The following C4orf50 variants were observed in gnomAD, a reference collection of about 807,000 sequenced individuals.
C4orf50 encodes chromosome 4 open reading frame 50, also known as uncharacterized protein C4orf50.
C4orf50 carries 80 observed loss-of-function variants against 77.2 expected under a neutral mutation model. The observed-to-expected ratio is 1.04, with a 90% CI of 0.87 to 1.25. The LOEUF (loss-of-function observed/expected upper bound fraction) is 1.25, where lower values mean the gene tolerates loss of function less well. C4orf50 is among the 50% of genes most tolerant of loss of function. The pLI is 0.00. For missense variants in C4orf50, 1,257 were observed against 1,152.9 expected, an observed-to-expected ratio of 1.09 and a Z score of -1.31; for synonymous variants, 532 against 465.3, an observed-to-expected ratio of 1.14 and a Z score of -1.84.
exon 28 of C4orf50, chr4:5,988,504 G>A (rs1267512017): frequency 1.3e-6 from 2 of 1,541,362 alleles, no homozygotes; most frequent in Non-Finnish European, 1.7e-6. Context: ...GACCAGCGAT[G>A]GAGGGGGAGA....
chr4:5,973,826 G>C (rs1377280675), exon 31 of C4orf50: 21 of 1,611,926 alleles, frequency 1.3e-5, no homozygotes, highest in Non-Finnish European at 1.8e-5. Context: ...TTCCGGACGA[G>C]GGAAGCTATC....
At chr4:5,936,135 A>G (rs993464857) in intron 7 of C4orf50, among the ~76,000 whole-genome samples, 1 of 152,090 alleles carries the variant, frequency 6.6e-6, no homozygotes, top group Non-Finnish European at 1.5e-5. Flanking sequence ...AGATGATGAA[A>G]CTAAAGTACA....
intron 7 of C4orf50, among the ~76,000 whole-genome samples, chr4:5,943,840 T>C (rs114660158): frequency 6.6e-6 from 1 of 152,206 alleles, no homozygotes; most frequent in Non-Finnish European, 1.5e-5. Flanking sequence ...TCGGACTTCA[T>C]CTTATTTCCT....
intron 25 of C4orf50, among the ~76,000 whole-genome samples, chr4:5,995,433 G>A (rs1485162375): frequency 4.6e-5 from 7 of 150,722 alleles, no homozygotes. Context: ...TTCAGAGGCA[G>A]CTCCTTCCTC....
chr4:6,003,884 ATTATGGTGATGATG>A (rs1577990995), intron 25 of C4orf50, among the ~76,000 whole-genome samples: 1 of 22,686 alleles, frequency 4.4e-5, no homozygotes, highest in East Asian at 2.4e-3. Context: ...GGTGATGGTG[ATTATGGTGATGATG>A]TGATGGTGAT....
intron 7 of C4orf50, among the ~76,000 whole-genome samples, chr4:5,920,669 C>T (rs1717225955): frequency 7.8e-6 from 1 of 128,332 alleles, no homozygotes; most frequent in Admixed American, 7.9e-5. Flanking sequence ...TAGAGATGGG[C>T]TTTCACCATT....
intron 7 of C4orf50, among the ~76,000 whole-genome samples, chr4:5,931,276 C>T (rs796494685): frequency 1.3e-5 from 2 of 152,290 alleles, no homozygotes; most frequent in African/African-American, 4.8e-5. Context: ...AACCAAGAGG[C>T]GGCCCCCAAA....
chr4:5,973,684 G>A (rs2108774989), exon 31 of C4orf50: 1 of 1,613,396 alleles, frequency 6.2e-7, no homozygotes, highest in Non-Finnish European at 8.5e-7. Flanking sequence ...AGCCAGGAAG[G>A]TGGCCGTGTA....
chr4:5,930,140 G>T (rs895016086), intron 7 of C4orf50, among the ~76,000 whole-genome samples: 2 of 152,212 alleles, frequency 1.3e-5, no homozygotes, highest in Admixed American at 6.5e-5. Flanking sequence ...GCAGCACTGA[G>T]AATCGGGGAG....
exon 28 of C4orf50, chr4:5,988,924 T>C (rs1362748667): frequency 9.1e-6 from 14 of 1,535,968 alleles, no homozygotes; most frequent in Non-Finnish European, 1.2e-5. Flanking sequence ...GTCTTTGGAT[T>C]TCCTGACACT....
chr4:6,005,116 T>G (rs143909227), intron 25 of C4orf50, among the ~76,000 whole-genome samples: 1 of 152,170 alleles, frequency 6.6e-6, no homozygotes, highest in African/African-American at 2.4e-5. Context: ...TCCACTTGCA[T>G]TCCTGCCTGC....
chr4:5,989,635 T>C, exon 28 of C4orf50: 5 of 1,536,104 alleles, frequency 3.3e-6, no homozygotes, highest in Non-Finnish European at 4.4e-6. Flanking sequence ...TGCAAGCTCA[T>C]CGATTGTGAG....
chr4:5,991,020 C>T (rs1291234678), intron 27 of C4orf50, among the ~76,000 whole-genome samples, 196 bp from the exon 6 acceptor site: 1 of 152,200 alleles, frequency 6.6e-6, no homozygotes, highest in Non-Finnish European at 1.5e-5. Context: ...AATGTCCTTC[C>T]CCTAGATGCC....
At chr4:5,944,517 C>T (rs1276125446) in intron 7 of C4orf50, among the ~76,000 whole-genome samples, 1 of 152,144 alleles carries the variant, frequency 6.6e-6, no homozygotes, top group Non-Finnish European at 1.5e-5. Flanking sequence ...AAACATGGTC[C>T]AGAGTCACAT....
chr4:5,960,408 C>T (rs754788381), intron 33 of C4orf50, among the ~76,000 whole-genome samples: 18 of 152,332 alleles, frequency 1.2e-4, no homozygotes, highest in Non-Finnish European at 1.9e-4. Context: ...AGTGCCTTGC[C>T]AGACAGATGA....
At chr4:5,978,982 A>C (rs1270076444) in intron 29 of C4orf50, among the ~76,000 whole-genome samples, 1 of 152,230 alleles carries the variant, frequency 6.6e-6, no homozygotes, top group Non-Finnish European at 1.5e-5. Flanking sequence ...GAAGAGCTGG[A>C]AATTATACCG....
At chr4:5,990,157 C>G (rs1381334479) in exon 28 of C4orf50, 3 of 1,256,844 alleles carry the variant, frequency 2.4e-6, no homozygotes, top group Non-Finnish European at 3.0e-6. Context: ...TGAGGCCTCC[C>G]CCTGTAGAAG....
chr4:5,979,455 T>C (rs1271967065), intron 29 of C4orf50, among the ~76,000 whole-genome samples: 1 of 152,270 alleles, frequency 6.6e-6, no homozygotes, highest in Non-Finnish European at 1.5e-5. Flanking sequence ...TTTTGTACAG[T>C]ATAATTTCAA....
chr4:5,952,860 C>T (rs943716464), downstream of C4orf50, among the ~76,000 whole-genome samples: 4 of 152,174 alleles, frequency 2.6e-5, no homozygotes, highest in African/African-American at 4.8e-5. This position sits in a 1 kb window ranked among gnomAD's most constrained non-coding sequence, Gnocchi z 4.4. Context: ...GTTTTGGCAC[C>T]GGCTGTGTGC....
Sources: gnomAD v4.1 joint callset for allele counts (sites outside exome capture counted in the v4.1 genomes callset) on GRCh38, gnomAD v4.1.1 for gene constraint, Gnocchi (gnomAD v3.1) non-coding constraint, MANE v1.5 for transcripts, NCBI Gene and HGNC (gene_info 2026-07-23, HGNC 2026-07-21) for gene names.